DDAH1: variants seen among roughly 807,000 people sequenced by gnomAD.
DDAH1 encodes dimethylarginine dimethylaminohydrolase 1.
Under a neutral mutation model 28.8 loss-of-function variants are expected in DDAH1, and 19 were observed. That is an observed-to-expected ratio of 0.66 (90% CI 0.46 to 0.97). The LOEUF (loss-of-function observed/expected upper bound fraction) is 0.97, where lower values mean the gene tolerates loss of function less well. Ranked by LOEUF, DDAH1 falls within the 50% of genes least tolerant of loss-of-function variation. The pLI, the probability that DDAH1 is intolerant of heterozygous loss-of-function variation, is 0.00. For missense variants in DDAH1, 326 were observed against 375.9 expected (o/e 0.87, Z 1.10); for synonymous variants, 153 against 154.4 (o/e 0.99, Z 0.07).
chr1:85,541,898 CATCTTG>C (rs1269776911), intron 1 of DDAH1, among the ~76,000 whole-genome samples: 1 of 152,160 alleles, frequency 6.6e-6, no homozygotes. Flanking sequence ...AATCTTCTGG[CATCTTG>C]ATCTTGGACT....
Position 85,379,419 on chromosome 1 carries a change from G to A in DDAH1, c.304-20572C>T, listed in dbSNP as rs146896617. On this transcript the variant is annotated intron_variant, in intron 1 of 5. Transcript: ENST00000284031. Reference sequence around the variant, plus strand: ...GCTTCATAACAAGTCCATGAATTACGTAATATTTGAACCACTATTCTACAG... The same window carrying A: ...GCTTCATAACAAGTCCATGAATTACATAATATTTGAACCACTATTCTACAG... 1.6e-4 allele frequency among the ~76,000 whole-genome samples: 24 copies of A among 152,220 alleles called. No homozygotes were observed. In the East Asian group the frequency reaches 3.9e-3, roughly 25 times the overall value.
intron 2 of DDAH1, among the ~76,000 whole-genome samples, chr1:85,470,692 CAA>C (rs1199841435): frequency 6.6e-6 from 1 of 152,052 alleles, no homozygotes; most frequent in Non-Finnish European, 1.5e-5. Context: ...CTGTTATATC[CAA>C]AGAGTGAGTG....
intron 1 of DDAH1, among the ~76,000 whole-genome samples, chr1:85,519,577 C>T (rs2773127): frequency 4.6e-5 from 7 of 151,910 alleles, no homozygotes; most frequent in East Asian, 1.9e-4. Flanking sequence ...ATTACTTACA[C>T]GGACAAAAAA....
At chr1:85,511,285 A>G (rs1440735635) in intron 1 of DDAH1, among the ~76,000 whole-genome samples, 1 of 152,218 alleles carries the variant, frequency 6.6e-6, no homozygotes, top group East Asian at 1.9e-4. Context: ...AGAAATAAAG[A>G]TGTTCTTTGA....
intron 1 of DDAH1, among the ~76,000 whole-genome samples, chr1:85,364,499 T>TA (rs1293978327): frequency 6.6e-6 from 1 of 152,146 alleles, no homozygotes; most frequent in Non-Finnish European, 1.5e-5. Context: ...GGAGATGCCT[T>TA]AGGTTTGTTC....
chr1:85,545,918 G>T (rs1447991475), intron 1 of DDAH1, among the ~76,000 whole-genome samples: 2 of 152,066 alleles, frequency 1.3e-5, no homozygotes, highest in East Asian at 1.9e-4. Flanking sequence ...CTTGGATTCT[G>T]CCAAATGACT....
intron 2 of DDAH1, among the ~76,000 whole-genome samples, chr1:85,354,922 AG>A (rs1649413997): frequency 6.6e-6 from 1 of 152,062 alleles, no homozygotes; most frequent in Non-Finnish European, 1.5e-5. Context: ...AGAAATGTGA[AG>A]GAAGGAAATA....
intron 1 of DDAH1, among the ~76,000 whole-genome samples, chr1:85,443,795 T>G (rs1654311170): frequency 6.6e-6 from 1 of 152,220 alleles, no homozygotes; most frequent in East Asian, 1.9e-4. Context: ...GGGAGTTCAC[T>G]CATTATTTGG....
At chr1:85,420,446 C>T (rs1012554643) in intron 1 of DDAH1, among the ~76,000 whole-genome samples, 4 of 152,198 alleles carry the variant, frequency 2.6e-5, no homozygotes, top group Admixed American at 6.5e-5. Flanking sequence ...AACCAGGGCA[C>T]ATCTGGAGCA....
intron 1 of DDAH1, among the ~76,000 whole-genome samples, chr1:85,423,357 G>C (rs1033913339): frequency 6.6e-6 from 1 of 152,168 alleles, no homozygotes; most frequent in Non-Finnish European, 1.5e-5. Flanking sequence ...GTGAAGAAGA[G>C]AATAATTAAC....
At chr1:85,359,682 A>T (rs1028312715) in intron 1 of DDAH1, among the ~76,000 whole-genome samples, 12 of 152,250 alleles carry the variant, frequency 7.9e-5, no homozygotes, top group Non-Finnish European at 1.3e-4. Context: ...ATATTCAAAC[A>T]GTTAATATGA....
chr1:85,552,278 C>T (rs1658817432), intron 1 of DDAH1, among the ~76,000 whole-genome samples: 3 of 152,334 alleles, frequency 2.0e-5, no homozygotes, highest in South Asian at 4.1e-4. Context: ...TACAATCTCA[C>T]TTCTCCAGTG....
chr1:85,322,950 G>T (rs1237298044), intron 5 of DDAH1, among the ~76,000 whole-genome samples: 2 of 152,092 alleles, frequency 1.3e-5, no homozygotes, highest in Non-Finnish European at 2.9e-5. Context: ...ATTCTAGGGT[G>T]GGGGTCCAGG....
intron 1 of DDAH1, among the ~76,000 whole-genome samples, chr1:85,369,096 T>C (rs1293248891): frequency 1.4e-5 from 2 of 144,784 alleles, no homozygotes; most frequent in Non-Finnish European, 3.0e-5. Context: ...GGTCTCACTC[T>C]GTCCTCCAGG....
intron 1 of DDAH1, among the ~76,000 whole-genome samples, chr1:85,390,540 T>A (rs1008113357): frequency 2.4e-4 from 36 of 152,130 alleles, no homozygotes; most frequent in African/African-American, 7.0e-4. Flanking sequence ...TTTGATAAGC[T>A]TTGGGGTTGG....
intron 1 of DDAH1, among the ~76,000 whole-genome samples, chr1:85,393,217 T>C (rs1651643747): frequency 6.6e-6 from 1 of 152,206 alleles, no homozygotes; most frequent in South Asian, 2.1e-4. Context: ...CTTCTTAAAA[T>C]ACCCCTCTGA....
intron 2 of DDAH1, among the ~76,000 whole-genome samples, chr1:85,474,465 G>A (rs370255957): frequency 6.6e-5 from 10 of 152,114 alleles, no homozygotes; most frequent in African/African-American, 1.4e-4. Flanking sequence ...GGGCTTCTGT[G>A]CATGGTTTCC....
chr1:85,414,242 C>T (rs1652786158), intron 1 of DDAH1, among the ~76,000 whole-genome samples: 1 of 152,120 alleles, frequency 6.6e-6, no homozygotes, highest in African/African-American at 2.4e-5. Context: ...AGGAAAAGGA[C>T]AGACCATTCA....
At chr1:85,454,957 C>T (rs750411251) in intron 1 of DDAH1, among the ~76,000 whole-genome samples, 2 of 152,160 alleles carry the variant, frequency 1.3e-5, no homozygotes, top group African/African-American at 2.4e-5. Flanking sequence ...AATAACCTTT[C>T]GACTAGGGCC....
Sources: gnomAD v4.1 joint callset for allele counts (sites outside exome capture counted in the v4.1 genomes callset) on GRCh38, gnomAD v4.1.1 for gene constraint, MANE v1.5 for transcripts, NCBI Gene and HGNC (gene_info 2026-07-23, HGNC 2026-07-21) for gene names.